The following PHACTR1 variants were observed in gnomAD, a reference collection of about 807,000 sequenced individuals.
PHACTR1 encodes RPEL repeat containing 1.
A neutral mutation model predicts 69.2 loss-of-function variants in PHACTR1; 16 were observed. The ratio of observed to expected loss-of-function variants is 0.23; its 90% CI spans 0.16 to 0.35. The LOEUF (loss-of-function observed/expected upper bound fraction) is 0.35, where lower values mean the gene tolerates loss of function less well. PHACTR1 is among the 10% of genes least tolerant of loss of function. The pLI is 1.00. For missense variants in PHACTR1, 510 were observed against 734.7 expected (o/e 0.69, Z 3.54); for synonymous variants, 312 against 284.5 (o/e 1.10, Z -0.97).
At chr6:13,116,427 G>C (rs1328779676) in intron 5 of PHACTR1, among the ~76,000 whole-genome samples, 1 of 152,170 alleles carries the variant, frequency 6.6e-6, no homozygotes, top group African/African-American at 2.4e-5. Context: ...TTTTTAAAAA[G>C]TAGCCAACAT....
chr6:13,078,297 ATTC>A (rs1810854705), intron 5 of PHACTR1, among the ~76,000 whole-genome samples: 1 of 152,130 alleles, frequency 6.6e-6, no homozygotes, highest in African/African-American at 2.4e-5. Context: ...TTCACATGGC[ATTC>A]TCCCTGTGTG....
At chr6:12,740,940 T>C (rs1158052801) in intron 3 of PHACTR1, among the ~76,000 whole-genome samples, 1 of 152,062 alleles carries the variant, frequency 6.6e-6, no homozygotes, top group Non-Finnish European at 1.5e-5. Flanking sequence ...TTGATTTTTT[T>C]CTTTGGAAAA....
At chr6:13,067,957 G>A (rs1446767971) in intron 5 of PHACTR1, among the ~76,000 whole-genome samples, 1 of 152,156 alleles carries the variant, frequency 6.6e-6, no homozygotes, top group Admixed American at 6.5e-5. Flanking sequence ...TGACTGCTGA[G>A]TTATCTTGGC....
intron 4 of PHACTR1, among the ~76,000 whole-genome samples, chr6:12,888,754 A>G (rs1783882212): frequency 6.6e-6 from 1 of 152,308 alleles, no homozygotes; most frequent in East Asian, 1.9e-4. Context: ...GTAACTTGCA[A>G]TATGTATTTC....
chr6:12,804,060 G>A (rs1774012391), intron 4 of PHACTR1, among the ~76,000 whole-genome samples: 1 of 152,148 alleles, frequency 6.6e-6, no homozygotes, highest in Non-Finnish European at 1.5e-5. Flanking sequence ...CGGCTTAGAG[G>A]TGTTTTATAC....
At chr6:12,738,511 T>C (rs1288976928) in intron 3 of PHACTR1, among the ~76,000 whole-genome samples, 3 of 152,202 alleles carry the variant, frequency 2.0e-5, no homozygotes, top group Admixed American at 6.5e-5. Flanking sequence ...AAACTGATGA[T>C]TTTTCAACTT....
At chr6:12,753,965 TATATA>T (rs199545517) in intron 4 of PHACTR1, among the ~76,000 whole-genome samples, 3,612 of 46,600 alleles carry the variant, frequency 0.078, 137 homozygotes, top group African/African-American at 0.22. Flanking sequence ...TATATATATA[TATATA>T]TTTTTTTTTT....
rs185242446 is a variant in PHACTR1 at position 12,924,758 on chromosome 6, G to A, written c.251-128607G>A. Among the ~76,000 whole-genome samples the A allele has an allele frequency of 1.0e-3, 147 of 146,368 alleles. 2 individuals carry two copies. Among genetic ancestry groups the A allele is most frequent in the Admixed American group, 9.9e-3 (143 of 14,512 alleles). On this transcript the variant is annotated intron_variant, in intron 4 of 14. Coordinates refer to ENST00000332995, the MANE Select transcript of PHACTR1 (RefSeq NM_030948.6). ...CCACTGCACTCCAGCCTGGGCGACA[G>A]AGCGAGACTCTGTCCCGGAAAAAAA...
intron 4 of PHACTR1, among the ~76,000 whole-genome samples, chr6:12,830,570 A>G (rs574048630): frequency 5.4e-5 from 8 of 149,330 alleles, no homozygotes; most frequent in African/African-American, 1.5e-4. Flanking sequence ...TGAGTAATAC[A>G]TATTTTTAAT....
intron 4 of PHACTR1, among the ~76,000 whole-genome samples, chr6:12,849,005 G>A (rs1779563004): frequency 1.3e-5 from 2 of 151,866 alleles, no homozygotes; most frequent in South Asian, 4.2e-4. Context: ...TCAAAGACAG[G>A]CACTATTCTT....
At chr6:13,140,551 G>A (rs1561888723) in intron 5 of PHACTR1, among the ~76,000 whole-genome samples, 1 of 152,204 alleles carries the variant, frequency 6.6e-6, no homozygotes, top group East Asian at 1.9e-4. Flanking sequence ...GACAAATACT[G>A]TATGATTCCA....
chr6:13,152,452 C>T (rs753500286), intron 5 of PHACTR1, among the ~76,000 whole-genome samples: 2 of 152,220 alleles, frequency 1.3e-5, no homozygotes, highest in African/African-American at 2.4e-5. Context: ...AACTGGCTTT[C>T]GTAAATACAG....
chr6:13,172,675 G>A (rs1180370156), intron 6 of PHACTR1, among the ~76,000 whole-genome samples: 1 of 152,190 alleles, frequency 6.6e-6, no homozygotes, highest in Non-Finnish European at 1.5e-5. Context: ...TTTAGGCAAA[G>A]GCTTCTCAGC....
intron 5 of PHACTR1, among the ~76,000 whole-genome samples, chr6:13,144,519 C>T (rs987545763): frequency 1.3e-5 from 2 of 152,064 alleles, no homozygotes; most frequent in African/African-American, 4.8e-5. Flanking sequence ...AGATGCCAGT[C>T]CTCCCTAAAT....
At chr6:12,851,187 C>T (rs1029932372) in intron 4 of PHACTR1, among the ~76,000 whole-genome samples, 21 of 152,196 alleles carry the variant, frequency 1.4e-4, no homozygotes, top group African/African-American at 4.8e-4. Flanking sequence ...CTTGGCCAGA[C>T]TGATCAACAA....
chr6:12,757,302 C>A (rs1210429112), intron 4 of PHACTR1, among the ~76,000 whole-genome samples: 1 of 151,904 alleles, frequency 6.6e-6, no homozygotes, highest in Non-Finnish European at 1.5e-5. Flanking sequence ...GGCAAGGAGA[C>A]CGGTGTGGCT....
chr6:12,901,954 G>T (rs557632531), intron 4 of PHACTR1, among the ~76,000 whole-genome samples: 1 of 152,190 alleles, frequency 6.6e-6, no homozygotes. Context: ...CTCTCCAGGG[G>T]ACATTTGGCA....
intron 7 of PHACTR1, among the ~76,000 whole-genome samples, chr6:13,203,149 A>G (rs1000488500): frequency 1.3e-5 from 2 of 152,190 alleles, no homozygotes; most frequent in East Asian, 3.8e-4. Context: ...CTCCTAGAGT[A>G]TCTATTTCTG....
At chr6:12,776,520 C>T (rs1770083548) in intron 4 of PHACTR1, among the ~76,000 whole-genome samples, 1 of 152,172 alleles carries the variant, frequency 6.6e-6, no homozygotes, top group South Asian at 2.1e-4. Context: ...ATTCCACAGC[C>T]ATTGTCATTG....
Sources: allele counts gnomAD v4.1 joint callset (sites outside exome capture counted in the v4.1 genomes callset), GRCh38; gene constraint gnomAD v4.1.1; transcripts MANE v1.5; gene names NCBI Gene and HGNC (gene_info 2026-07-23, HGNC 2026-07-21).